ADAMTS2: variants seen among roughly 807,000 people sequenced by gnomAD.
The protein encoded by ADAMTS2 is ADAM metallopeptidase with thrombospondin type 1 motif 2, also known as A disintegrin and metalloproteinase with thrombospondin motifs 2.
In ADAMTS2, 50 loss-of-function variants were observed where a neutral mutation model predicts 123.0. The ratio of observed to expected loss-of-function variants is 0.41; its 90% CI spans 0.32 to 0.51. The LOEUF (loss-of-function observed/expected upper bound fraction) is 0.51. ADAMTS2 is among the 20% of genes least tolerant of loss of function. The pLI is 0.35. For synonymous variants in ADAMTS2, 678 were observed against 695.4 expected (o/e 0.98, Z 0.39); for missense variants, 1,494 against 1,705.2 (o/e 0.88, Z 2.18).
At chr5:179,336,786 C>T (rs1044125899) in intron 2 of ADAMTS2, among the ~76,000 whole-genome samples, 7 of 152,242 alleles carry the variant, frequency 4.6e-5, no homozygotes, top group African/African-American at 1.7e-4. Flanking sequence ...GCTTGTCCAC[C>T]CTGCCGGTCA....
intron 2 of ADAMTS2, among the ~76,000 whole-genome samples, chr5:179,339,314 G>T (rs543476740): frequency 2.6e-5 from 4 of 152,162 alleles, no homozygotes; most frequent in Non-Finnish European, 5.9e-5. Context: ...CTTGGAAAAC[G>T]AGTTGGGCCT....
chr5:179,325,171 C>G (rs1757280211), intron 2 of ADAMTS2, among the ~76,000 whole-genome samples: 1 of 152,172 alleles, frequency 6.6e-6, no homozygotes, highest in South Asian at 2.1e-4. Flanking sequence ...GCTCCTGTCC[C>G]AGGCCCACAG....
chr5:179,330,657 A>G (rs1757457121), intron 2 of ADAMTS2, among the ~76,000 whole-genome samples: 1 of 152,202 alleles, frequency 6.6e-6, no homozygotes, highest in African/African-American at 2.4e-5. Context: ...ATTCACTCCC[A>G]GACGGAGCAA....
rs1282516772 is a variant in ADAMTS2 at position 179,208,161 on chromosome 5, C to CTGA, written c.689-447_689-446insTCA. Among the ~76,000 whole-genome samples, 103 of 151,300 alleles carry CTGA rather than the reference C, an allele frequency of 6.8e-4. 6 individuals are homozygous for CTGA. Among genetic ancestry groups the CTGA allele is most frequent in the Middle Eastern group, 3.4e-3 (1 of 290 alleles). The stretch of plus-strand genomic sequence containing the variant: ...CAGAGCCACCCCTTGCCCACACTGC[C>CTGA]CGATGCTGGAGTGGGTAGAGCCACC... On this transcript the variant is annotated intron_variant, in intron 3 of 21. Coordinates refer to ENST00000251582, the MANE Select transcript of ADAMTS2 (RefSeq NM_014244.5).
chr5:179,217,695 C>G (rs1450891764), intron 3 of ADAMTS2, among the ~76,000 whole-genome samples: 2 of 91,734 alleles, frequency 2.2e-5, no homozygotes, highest in African/African-American at 8.4e-5. Context: ...GAGCAGTTTC[C>G]CACTCTGCTG....
At position 179,137,781 on chromosome 5, in the gene ADAMTS2, C is replaced by G; in HGVS notation, c.1939G>C (p.Glu647Gln). ...GDAQHHWLPH[E>Q]HRDAKERCHL... The stretch of plus-strand genomic sequence containing the variant: ...CAGAAGGGCTCACCATCCCGGTGCT[C>G]GTGGGGCAGCCAGTGGTGCTGGGCG... The change falls in exon 12 of 22, where the codon GAG becomes CAG. Residue 647 changes from glutamate (E) to glutamine (Q), a missense_variant. This residue lies in a region of ADAMTS2 where 953 missense variants were observed against 1,124.7 expected (regional missense o/e 0.85). Transcript: ENST00000251582. 1 of 1,572,172 alleles carries G rather than the reference C, an allele frequency of 6.4e-7. No homozygotes were observed. The highest frequency in any genetic ancestry group is 8.6e-7 in the Non-Finnish European group (1 of 1,161,898).
intron 3 of ADAMTS2, among the ~76,000 whole-genome samples, chr5:179,211,914 C>T (rs536626075): frequency 5.8e-4 from 89 of 152,286 alleles, no homozygotes; most frequent in African/African-American, 2.0e-3. Context: ...ATCAGCATAT[C>T]GTCCTATTTC....
intron 20 of ADAMTS2, 38 bp from the exon 21 acceptor site, chr5:179,121,788 C>G (rs1290149073): frequency 1.4e-6 from 2 of 1,443,784 alleles, no homozygotes; most frequent in Admixed American, 4.2e-5. Flanking sequence ...CGCAGGGCAC[C>G]AGGCTGGGGC....
Position 179,137,672 on chromosome 5 carries a change from G to A in ADAMTS2, c.1951+97C>T. 3 of 1,488,880 alleles carry A rather than the reference G, an allele frequency of 2.0e-6. No homozygotes were observed. The South Asian group carries it at 3.6e-5, about 18-fold the overall frequency. The allele number at this position is 1,488,880 out of a possible 1,614,324, so 92.2% of individuals were successfully genotyped here. ...CTCCTGCCAGCCCAGGGTCGCGGCA[G>A]CCTTGCCCCATGCAGGATCAGAGGC... is the stretch of plus-strand genomic sequence containing the variant. On this transcript the variant is annotated intron_variant, in intron 12 of 21. Transcript: ENST00000251582.
intron 2 of ADAMTS2, among the ~76,000 whole-genome samples, chr5:179,322,482 A>C (rs1757213348): frequency 1.3e-5 from 2 of 152,146 alleles, no homozygotes; most frequent in Non-Finnish European, 2.9e-5. Flanking sequence ...TCCCTTGAGG[A>C]CAAACCCTGA....
At chr5:179,323,678 G>C (rs463635) in intron 2 of ADAMTS2, among the ~76,000 whole-genome samples, 1 of 152,140 alleles carries the variant, frequency 6.6e-6, no homozygotes, top group Non-Finnish European at 1.5e-5. Context: ...ACCTGCGCCC[G>C]TCAGGGCAGA....
At chr5:179,240,377 GA>G (rs1453363288) in intron 3 of ADAMTS2, among the ~76,000 whole-genome samples, 1 of 152,174 alleles carries the variant, frequency 6.6e-6, no homozygotes, top group Non-Finnish European at 1.5e-5. Context: ...TCCAATGAGG[GA>G]ACCTGCAGTT....
intron 2 of ADAMTS2, among the ~76,000 whole-genome samples, chr5:179,313,085 A>C (rs1043992802): frequency 9.9e-5 from 15 of 152,252 alleles, no homozygotes; most frequent in Admixed American, 5.9e-4. Context: ...ATCAAGAAAC[A>C]GCAATAGAAT....
Position 179,189,306 on chromosome 5 carries a change from C to G in ADAMTS2, c.892-8151G>C, listed in dbSNP as rs1374210282. Among the ~76,000 whole-genome samples the G allele has an allele frequency of 6.6e-6, 1 of 151,876 alleles. No homozygotes were observed. The highest frequency in any genetic ancestry group is 1.5e-5 in the Non-Finnish European group (1 of 68,000). On this transcript the variant is annotated intron_variant, in intron 4 of 21. Coordinates refer to ENST00000251582, the MANE Select transcript of ADAMTS2 (RefSeq NM_014244.5). The surrounding 1 kb of genome is among the most constrained non-coding windows in gnomAD (Gnocchi z 4.2). ...AGTCAGCAAAGGGTGGTGGGACTAC[C>G]ATTCGTTGGTATAGGTTTGGGATAG... is the stretch of plus-strand genomic sequence containing the variant.
chr5:179,233,523 T>TA (rs895692537), intron 3 of ADAMTS2, among the ~76,000 whole-genome samples: 2 of 152,054 alleles, frequency 1.3e-5, no homozygotes, highest in Admixed American at 6.5e-5. Context: ...CTGTCTCCTC[T>TA]AAAAAATACA....
chr5:179,250,012 C>T (rs1765882806), intron 3 of ADAMTS2, among the ~76,000 whole-genome samples: 7 of 152,272 alleles, frequency 4.6e-5, no homozygotes, highest in Admixed American at 2.0e-4. Context: ...GGGATTTATC[C>T]GTGGAATGCA....
Position 179,225,537 on chromosome 5 carries a change from G to T in ADAMTS2, c.689-17822C>A, listed in dbSNP as rs1554131873. On this transcript the variant is annotated intron_variant, in intron 3 of 21. Transcript: ENST00000251582. The surrounding 1 kb of genome is among the most constrained non-coding windows in gnomAD (Gnocchi z 4.5). ...TAAAAACCCGAGACCCTAACAGGCA[G>T]ACACAGGCGGCTGGACGTCGAGAGG... Among the ~76,000 whole-genome samples, 1 of 152,134 alleles carries T rather than the reference G, an allele frequency of 6.6e-6. No individual in the cohort carries two copies. Among genetic ancestry groups the T allele is most frequent in the Non-Finnish European group, 1.5e-5 (1 of 68,026 alleles).
chr5:179,172,051 C>T (rs962196914), intron 5 of ADAMTS2, among the ~76,000 whole-genome samples: 30 of 152,202 alleles, frequency 2.0e-4, no homozygotes, highest in African/African-American at 6.8e-4. Flanking sequence ...CGTCCAGCTT[C>T]CGGTTCTGTC....
At position 179,317,853 on chromosome 5, in the gene ADAMTS2, G is replaced by A. The variant is rs1181376023; in HGVS notation, c.534+25914C>T. Among the ~76,000 whole-genome samples the A allele has an allele frequency of 6.6e-6, 1 of 152,198 alleles. No homozygotes were observed. Among genetic ancestry groups the A allele is most frequent in the East Asian group, 1.9e-4 (1 of 5,182 alleles). On this transcript the variant is annotated intron_variant, in intron 2 of 21. Coordinates refer to ENST00000251582, the MANE Select transcript of ADAMTS2 (RefSeq NM_014244.5). The surrounding 1 kb of genome is among the most constrained non-coding windows in gnomAD (Gnocchi z 4.9). Reference sequence around the variant, plus strand: ...AGGGTAGAGGTGGGGCTGGTCCACAGTGAGGGAGGGAGGCAGGTGTAGACT... The same window carrying A: ...AGGGTAGAGGTGGGGCTGGTCCACAATGAGGGAGGGAGGCAGGTGTAGACT...
Sources: allele counts gnomAD v4.1 joint callset (sites outside exome capture counted in the v4.1 genomes callset), GRCh38; gene constraint gnomAD v4.1.1; regional missense constraint gnomAD v4.1.1; non-coding constraint Gnocchi (gnomAD v3.1); transcripts MANE v1.5; gene names NCBI Gene and HGNC (gene_info 2026-07-23, HGNC 2026-07-21).